The following THOP1 variants were observed in gnomAD, a reference collection of about 807,000 sequenced individuals.
THOP1 encodes the protein thimet oligopeptidase.
THOP1 carries 49 observed loss-of-function variants against 71.8 expected under a neutral mutation model. The ratio of observed to expected loss-of-function variants is 0.68; its 90% CI spans 0.54 to 0.87. THOP1 has a LOEUF of 0.87. THOP1 is among the 40% of genes least tolerant of loss of function. The probability of loss-of-function intolerance (pLI) is 0.00; values close to 1 mark genes in which losing one functional copy is unlikely to be tolerated. For missense variants in THOP1, 843 were observed against 975.6 expected, an observed-to-expected ratio of 0.86 and a Z score of 1.81; for synonymous variants, 426 against 421.5, an observed-to-expected ratio of 1.01 and a Z score of -0.13.
chr19:2,793,392 G>A (rs1313141573), intron 2 of THOP1, among the ~76,000 whole-genome samples: 7 of 151,888 alleles, frequency 4.6e-5, no homozygotes, highest in Admixed American at 2.0e-4. Context: ...TGGATATTTC[G>A]TAGAAATGGC....
intron 5 of THOP1, among the ~76,000 whole-genome samples, chr19:2,800,169 A>C (rs1220668316): frequency 6.6e-6 from 1 of 152,064 alleles, no homozygotes; most frequent in African/African-American, 2.4e-5. Flanking sequence ...GCCTGCCTTT[A>C]TTTATTTAAT....
intron 4 of THOP1, among the ~76,000 whole-genome samples, chr19:2,796,406 G>A (rs1189803169): frequency 1.3e-5 from 2 of 149,730 alleles, no homozygotes; most frequent in Non-Finnish European, 3.0e-5. Flanking sequence ...GACTCAGGGA[G>A]TGCTTGGGCA....
chr19:2,786,241 C>T (rs1447849777), intron 1 of THOP1, among the ~76,000 whole-genome samples: 2 of 152,122 alleles, frequency 1.3e-5, no homozygotes, highest in Non-Finnish European at 2.9e-5. Flanking sequence ...TTGGCTGGAA[C>T]GTAACGAGGG....
intron 1 of THOP1, among the ~76,000 whole-genome samples, chr19:2,789,541 G>T (rs1915829168): frequency 6.6e-6 from 1 of 152,206 alleles, no homozygotes; most frequent in Admixed American, 6.5e-5. Context: ...CATGAATGGA[G>T]GCCTGCTTGT....
intron 2 of THOP1, among the ~76,000 whole-genome samples, chr19:2,793,085 G>T (rs1376655997): frequency 8.5e-5 from 13 of 152,170 alleles, no homozygotes; most frequent in Non-Finnish European, 5.9e-5. Flanking sequence ...TGAGGCAGGA[G>T]AATCACTTGA....
intron 12 of THOP1, chr19:2,812,226 C>G (rs1055568827): frequency 1.3e-6 from 2 of 1,528,528 alleles, no homozygotes; most frequent in Non-Finnish European, 1.7e-6. Context: ...GCGGCCGTTA[C>G]GCCATGTGAG....
At chr19:2,808,555 G>A (rs1242952472) in intron 9 of THOP1, 111 bp downstream of exon 9, 20 of 1,242,326 alleles carry the variant, frequency 1.6e-5, no homozygotes, top group African/African-American at 9.2e-5. Context: ...GCACCCGTCC[G>A]GTGGCTCCTT....
intron 4 of THOP1, among the ~76,000 whole-genome samples, chr19:2,796,496 C>T (rs1281137234): frequency 6.9e-6 from 1 of 144,108 alleles, no homozygotes; most frequent in Non-Finnish European, 1.5e-5. Flanking sequence ...GAGTACTGAG[C>T]TCAGGGAGTG....
intron 1 of THOP1, among the ~76,000 whole-genome samples, chr19:2,788,556 G>A (rs1026232612): frequency 6.6e-6 from 1 of 152,090 alleles, no homozygotes; most frequent in African/African-American, 2.4e-5. Context: ...TCAGCTCACT[G>A]CACCCTCCAC....
chr19:2,812,412 T>C, intron 12 of THOP1: 2 of 1,468,174 alleles, frequency 1.4e-6, no homozygotes, highest in South Asian at 1.3e-5. Context: ...GCTGCTCCCT[T>C]TATAGAGGTG....
At position 2,807,484 on chromosome 19, in the gene THOP1, G is replaced by C. The variant is rs370445695; in HGVS notation, c.929G>C (p.Arg310Pro). 1 of 1,609,076 alleles carries C rather than the reference G, an allele frequency of 6.2e-7. No homozygotes were observed. Among genetic ancestry groups the C allele is most frequent in the Non-Finnish European group, 8.5e-7 (1 of 1,178,466 alleles). ...CTGAAGCCCCTGGGGGAGCAGGAGC[G>C]TGCGGTGATTCTGGAGCTGAAGCGT... ...QKLKPLGEQE[R>P]AVILELKRAE... The change falls in exon 8 of 13, where the codon CGT becomes CCT. Residue 310 changes from arginine (R) to proline (P), a missense_variant. Physicochemically the swap from Arg to Pro is moderately radical, Grantham distance 103. Transcript: ENST00000307741.
At chr19:2,788,756 G>C (rs186384589) in intron 1 of THOP1, among the ~76,000 whole-genome samples, 117 of 152,254 alleles carry the variant, frequency 7.7e-4, no homozygotes, top group Admixed American at 3.6e-3. Context: ...TGGGATTACA[G>C]GCACAAGCCA....
At chr19:2,790,310 C>G (rs1407696675) in intron 1 of THOP1, 111 bp from the exon 2 acceptor site, 10 of 1,069,510 alleles carry the variant, frequency 9.4e-6, no homozygotes, top group Non-Finnish European at 1.3e-5. Flanking sequence ...CTGGACCTCA[C>G]TCTTCTGGAT....
chr19:2,806,806 G>A (rs1234944958), intron 6 of THOP1, 111 bp from the exon 7 acceptor site: 19 of 1,563,214 alleles, frequency 1.2e-5, no homozygotes, highest in Middle Eastern at 2.1e-4. Flanking sequence ...GGCAGGGACC[G>A]GAGGTCAGAC....
intron 5 of THOP1, among the ~76,000 whole-genome samples, chr19:2,802,330 C>A (rs1208419502): frequency 2.2e-5 from 3 of 135,274 alleles, no homozygotes; most frequent in Non-Finnish European, 3.2e-5. Context: ...TCCCGACACC[C>A]CCACCTCCCG....
At chr19:2,809,415 C>T (rs1470022002) in intron 9 of THOP1, 2 of 152,262 alleles carry the variant, frequency 1.3e-5, no homozygotes, top group Non-Finnish European at 1.5e-5. Flanking sequence ...ACCGTGCCCC[C>T]ACTAGACTGA....
chr19:2,796,041 A>C, intron 3 of THOP1, 40 bp from the exon 4 acceptor site: 1 of 1,530,394 alleles, frequency 6.5e-7, no homozygotes, highest in Non-Finnish European at 9.0e-7. Context: ...GAGCGGCTGC[A>C]CTGGCCCACG....
rs757729522 is a variant in THOP1 at position 2,810,775 on chromosome 19, ACC to A, written c.1771+9_1771+10del. 1 of 1,600,608 alleles carries A rather than the reference ACC, an allele frequency of 6.2e-7. No homozygotes were observed. Among genetic ancestry groups the A allele is most frequent in the Admixed American group, 1.7e-5 (1 of 59,248 alleles). On this transcript the variant is annotated splice_region_variant and intron_variant, in intron 11 of 12. Coordinates refer to ENST00000307741, the MANE Select transcript of THOP1 (RefSeq NM_003249.5). ...GGGGTCCCGGCCACGCCAGGTAGCCACCCTTGAGCCGGGCACACCCTGGAATT... is the reference window on the plus strand; with the variant it reads ...GGGGTCCCGGCCACGCCAGGTAGCCACTTGAGCCGGGCACACCCTGGAATT...
rs1916519553 is a variant in THOP1, at chr19:2,812,996, C to T, written c.1909-119C>T. ...TGATGCAGGCGGCCCCCGGGCCTCC[C>T]TGGGAACCTGGAAGGGGTTGCTCCG... On this transcript the variant is annotated intron_variant, in intron 12 of 12. Transcript: ENST00000307741. The T allele has an allele frequency of 2.3e-6, 3 of 1,307,722 alleles. No individual in the cohort carries two copies. The African/African-American group carries it at 4.5e-5, about 20-fold the overall frequency. 81.0% of individuals were successfully genotyped at this position (1,307,722 alleles called of 1,614,324 possible). A position where few individuals can be genotyped will look rare whatever the true frequency, so the allele number is the denominator to read the frequency against.
Sources: gnomAD v4.1 joint callset for allele counts (sites outside exome capture counted in the v4.1 genomes callset) on GRCh38, gnomAD v4.1.1 for gene constraint, MANE v1.5 for transcripts, NCBI Gene and HGNC (gene_info 2026-07-23, HGNC 2026-07-21) for gene names.